SLC26A8: variants seen among roughly 807,000 people sequenced by gnomAD.
SLC26A8 encodes testis anion transporter 1.
Under a neutral mutation model 105.0 loss-of-function variants are expected in SLC26A8, and 70 were observed. The observed-to-expected ratio is 0.67, with a 90% CI of 0.55 to 0.81. The LOEUF (loss-of-function observed/expected upper bound fraction) is 0.81. Among genes scored for constraint, SLC26A8 ranks in the 40% least tolerant of loss-of-function variants. The pLI is 0.00. For synonymous variants in SLC26A8, 415 were observed against 438.3 expected (o/e 0.95, Z 0.66); for missense variants, 998 against 1,181.8 (o/e 0.84, Z 2.28).
Position 35,968,949 on chromosome 6 carries a change from T to C in SLC26A8, c.1293A>G (p.Ala431=). ...GCATCACACCTGCGCCTACCAGAGA[T>C]GCAAACTGAGGAGACAGAGCCAGTT... is the stretch of plus-strand genomic sequence containing the variant. The part of the protein sequence containing the change: ...QDKSGGRQQF[A]SLVGAGVMLL... The change falls in exon 11 of 20, where the codon GCA becomes GCG. Residue 431 remains alanine, a synonymous_variant. Coordinates refer to ENST00000490799, the MANE Select transcript of SLC26A8 (RefSeq NM_052961.4). 2.5e-6 allele frequency: 4 copies of C among 1,611,804 alleles called. No homozygotes were observed. Among genetic ancestry groups the C allele is most frequent in the Non-Finnish European group, 3.4e-6 (4 of 1,179,114 alleles).
At chr6:35,966,700 A>G (rs1482639632) in intron 11 of SLC26A8, among the ~76,000 whole-genome samples, 5 of 152,210 alleles carry the variant, frequency 3.3e-5, no homozygotes, top group African/African-American at 1.2e-4. Context: ...CAGTTTTTCA[A>G]GAAAGGAAGA....
chr6:35,976,550 C>CTTTTTTTT lies in SLC26A8; in HGVS notation c.1173+646_1173+653dup, dbSNP rs371327114. ...AACTGTATGGTATTAGAAGCCCTCG[C>CTTTTTTTT]TTTTTTTTTTTTTTTTTTGAGATGG... On this transcript the variant is annotated intron_variant, in intron 9 of 19. Coordinates refer to ENST00000490799, the MANE Select transcript of SLC26A8 (RefSeq NM_052961.4). Among the ~76,000 whole-genome samples, 293 of 130,114 alleles carry CTTTTTTTT rather than the reference C, an allele frequency of 2.3e-3. 11 individuals carry two copies. The highest frequency in any genetic ancestry group is 8.4e-3 in the African/African-American group (279 of 33,118). 85.4% of individuals were successfully genotyped at this position (130,114 alleles called of 152,430 possible). A position where few individuals can be genotyped will look rare whatever the true frequency, so the allele number is the denominator to read the frequency against.
Position 35,962,582 on chromosome 6 carries a change from A to C in SLC26A8, c.1405T>G (p.Tyr469Asp). ...AGIILSNVIP[Y>D]LETISNLPSL... ...GGTAGGTTAGAAATGGTTTCAAGGT[A>C]GGGAATGACGTTGCTCAGAATAATA... Residue 469 changes from tyrosine to aspartate, a missense_variant, in exon 12 of 20, where the codon TAC (tyrosine) becomes GAC (aspartate). Tyr to Asp is a radical substitution (Grantham distance 160). Transcript: ENST00000490799. 6.2e-7 allele frequency: 1 copy of C among 1,614,188 alleles called. No individual in the cohort carries two copies. The highest frequency in any genetic ancestry group is 2.2e-5 in the East Asian group (1 of 44,886).
At chr6:35,953,151 T>C (rs1771939391) in intron 17 of SLC26A8, among the ~76,000 whole-genome samples, 1 of 152,156 alleles carries the variant, frequency 6.6e-6, no homozygotes, top group Non-Finnish European at 1.5e-5. Context: ...AAACCTGTAT[T>C]TTTAGAGTGC....
At chr6:36,002,802 T>C (rs988108128) in intron 3 of SLC26A8, among the ~76,000 whole-genome samples, 5 of 152,060 alleles carry the variant, frequency 3.3e-5, no homozygotes, top group Non-Finnish European at 5.9e-5. Flanking sequence ...CCTCCTTGTT[T>C]GAGCGATTCT....
At chr6:35,965,110 T>C (rs969172881) in intron 11 of SLC26A8, among the ~76,000 whole-genome samples, 1 of 152,206 alleles carries the variant, frequency 6.6e-6, no homozygotes, top group Non-Finnish European at 1.5e-5. Flanking sequence ...GAATATAAAA[T>C]TGTACAGTTA....
In SLC26A8 at chr6:36,012,290, A is replaced by G; in HGVS notation, c.271T>C (p.Trp91Arg). ...EWMCMYRLKD[W>R]LLGDLLAGIS... ...CCAGCAAGTAAGTCTCCCAGAAGCCAATCCTTTAATCGATACATACACATC... is the reference window on the plus strand; with the variant it reads ...CCAGCAAGTAAGTCTCCCAGAAGCCGATCCTTTAATCGATACATACACATC... Residue 91 changes from tryptophan (W) to arginine (R), a missense_variant, in exon 3 of 20, where the codon TGG (tryptophan) becomes CGG (arginine). Transcript: ENST00000490799. 6.2e-7 allele frequency: 1 copy of G among 1,612,326 alleles called. No individual in the cohort carries two copies. The highest frequency in any genetic ancestry group is 8.5e-7 in the Non-Finnish European group (1 of 1,179,432).
intron 3 of SLC26A8, 82 bp downstream of exon 3, chr6:36,012,151 G>A: frequency 6.6e-7 from 1 of 1,514,948 alleles, no homozygotes; most frequent in Non-Finnish European, 8.9e-7. Context: ...TATTCATGTA[G>A]CACAAGTAAT....
Position 35,977,260 on chromosome 6 carries a change from T to A in SLC26A8, c.1117A>T (p.Ile373Leu). 6.2e-7 allele frequency: 1 copy of A among 1,614,060 alleles called. No homozygotes were observed. Among genetic ancestry groups the A allele is most frequent in the Non-Finnish European group, 8.5e-7 (1 of 1,179,964 alleles). ...SLSLVSSFLL[I>L]FLGKKIASLH... is the part of the protein sequence containing the mutation. Reference sequence around the variant, plus strand: ...CTGGCAATCTTCTTGCCCAGAAATATGAGCAGAAAGGAGCTCACCAAAGAT... The same window carrying A: ...CTGGCAATCTTCTTGCCCAGAAATAAGAGCAGAAAGGAGCTCACCAAAGAT... Residue 373 changes from isoleucine to leucine, a missense_variant, in exon 9 of 20, where the codon ATA becomes TTA. Coordinates refer to ENST00000490799, the MANE Select transcript of SLC26A8 (RefSeq NM_052961.4).
At chr6:35,949,866 C>T (rs908490512) in intron 19 of SLC26A8, among the ~76,000 whole-genome samples, 1 of 151,570 alleles carries the variant, frequency 6.6e-6, no homozygotes, top group African/African-American at 2.4e-5. Flanking sequence ...AGTGCAGTGG[C>T]GCGATCTCGG....
At chr6:36,008,034 G>C (rs1470829765) in intron 3 of SLC26A8, among the ~76,000 whole-genome samples, 1 of 151,464 alleles carries the variant, frequency 6.6e-6, no homozygotes, top group Non-Finnish European at 1.5e-5. Flanking sequence ...GCAGGAGAAT[G>C]GCATGAACTC....
intron 3 of SLC26A8, among the ~76,000 whole-genome samples, chr6:36,008,416 G>A (rs1250578363): frequency 6.6e-6 from 1 of 152,200 alleles, no homozygotes; most frequent in Non-Finnish European, 1.5e-5. Flanking sequence ...TATGAGGATA[G>A]CAAGTTAGGC....
chr6:36,005,999 G>A (rs1011928321), intron 3 of SLC26A8, among the ~76,000 whole-genome samples: 4 of 152,106 alleles, frequency 2.6e-5, no homozygotes, highest in Non-Finnish European at 5.9e-5. Context: ...GTATTCAAAT[G>A]TAAGTACAAT....
Position 35,998,222 on chromosome 6 carries a change from T to TA in SLC26A8, c.446-304dup, listed in dbSNP as rs563142566. Reference sequence around the variant, plus strand: ...CAGGCTCAGCTGCTGTGTCTGCTCTTAGAGAAGGTTAAAAGTGAGATGGCA... The same window carrying TA: ...CAGGCTCAGCTGCTGTGTCTGCTCTTAAGAGAAGGTTAAAAGTGAGATGGCA... On this transcript the variant is annotated intron_variant, in intron 4 of 19. Coordinates refer to ENST00000490799, the MANE Select transcript of SLC26A8 (RefSeq NM_052961.4). 3.9e-5 allele frequency among the ~76,000 whole-genome samples: 6 copies of TA among 152,188 alleles called. No individual in the cohort carries two copies. In the South Asian group the frequency reaches 1.2e-3, roughly 32 times the overall value.
intron 9 of SLC26A8, among the ~76,000 whole-genome samples, chr6:35,976,550 C>CTTTT (rs371327114): frequency 8.5e-5 from 11 of 130,154 alleles, no homozygotes; most frequent in Non-Finnish European, 1.8e-4. Context: ...GAAGCCCTCG[C>CTTTT]TTTTTTTTTT....
In SLC26A8 at chr6:35,981,090, A is replaced by G. The variant is rs1773249112; in HGVS notation, c.1025+1031T>C. ...CACTCTTTACAGGATTCCTTATTATACAACGTGAGGAAATGGGCAATGCTC... is the reference window on the plus strand; with the variant it reads ...CACTCTTTACAGGATTCCTTATTATGCAACGTGAGGAAATGGGCAATGCTC... On this transcript the variant is annotated intron_variant, in intron 8 of 19. Transcript: ENST00000490799. The surrounding 1 kb of genome is among the most constrained non-coding windows in gnomAD (Gnocchi z 4.0). Among the ~76,000 whole-genome samples, 1 of 152,116 alleles carries G rather than the reference A, an allele frequency of 6.6e-6. No homozygotes were observed. The highest frequency in any genetic ancestry group is 1.5e-5 in the Non-Finnish European group (1 of 68,008).
chr6:36,014,856 ACT>A (rs1257098986), intron 2 of SLC26A8, among the ~76,000 whole-genome samples: 1 of 151,794 alleles, frequency 6.6e-6, no homozygotes, highest in Admixed American at 6.6e-5. Context: ...ACAGAGCGAG[ACT>A]CTGGCTCAAA....
At chr6:36,004,357 T>C (rs1457095859) in intron 3 of SLC26A8, among the ~76,000 whole-genome samples, 1 of 152,224 alleles carries the variant, frequency 6.6e-6, no homozygotes, top group Non-Finnish European at 1.5e-5. Flanking sequence ...ATTATAGGCA[T>C]GAGCCATTGC....
intron 3 of SLC26A8, among the ~76,000 whole-genome samples, chr6:36,001,473 T>G (rs1761522129): frequency 6.6e-6 from 1 of 152,186 alleles, no homozygotes; most frequent in Non-Finnish European, 1.5e-5. Flanking sequence ...CCCCATTAAG[T>G]GTGGAATAGA....
Sources: allele counts gnomAD v4.1 joint callset (sites outside exome capture counted in the v4.1 genomes callset), GRCh38; gene constraint gnomAD v4.1.1; non-coding constraint Gnocchi (gnomAD v3.1); transcripts MANE v1.5; gene names NCBI Gene and HGNC (gene_info 2026-07-23, HGNC 2026-07-21).